The following SUPT3H variants were observed in gnomAD, a reference collection of about 807,000 sequenced individuals.
SUPT3H encodes the protein transcription initiation protein SPT3 homolog.
A neutral mutation model predicts 44.3 loss-of-function variants in SUPT3H; 44 were observed. The observed-to-expected ratio is 0.99, with a 90% CI of 0.78 to 1.28. The LOEUF (loss-of-function observed/expected upper bound fraction) is 1.28, where lower values mean the gene tolerates loss of function less well. SUPT3H is among the 50% of genes most tolerant of loss of function. SUPT3H has a pLI of 0.00. For synonymous variants in SUPT3H, 124 were observed against 125.6 expected, an observed-to-expected ratio of 0.99 and a Z score of 0.09; for missense variants, 380 against 387.1, an observed-to-expected ratio of 0.98 and a Z score of 0.15.
chr6:45,296,214 A>ACAC (rs768394891), intron 2 of SUPT3H, among the ~76,000 whole-genome samples: 4 of 151,214 alleles, frequency 2.6e-5, no homozygotes, highest in African/African-American at 9.7e-5. Flanking sequence ...ACACACACAC[A>ACAC]ATGCAACACT....
intron 10 of SUPT3H, among the ~76,000 whole-genome samples, chr6:44,837,019 C>T (rs535078148): frequency 6.6e-6 from 1 of 152,056 alleles, no homozygotes; most frequent in African/African-American, 2.4e-5. Flanking sequence ...CATACTGTTA[C>T]CAAAAATTAG....
In SUPT3H at chr6:44,866,910, G is replaced by A. The variant is rs150396026; in HGVS notation, c.913-37053C>T. On this transcript the variant is annotated intron_variant, in intron 10 of 10. Coordinates refer to ENST00000371459, the MANE Select transcript of SUPT3H (RefSeq NM_003599.4). ...TTAAGTCAGAAGAATAGCACATTTA[G>A]TAAAGACATATTCCATAGTAATAAA... Among the ~76,000 whole-genome samples, 40 of 152,276 alleles carry A rather than the reference G, an allele frequency of 2.6e-4. 2 individuals carry two copies. Among genetic ancestry groups the A allele is most frequent in the African/African-American group, 7.9e-4 (33 of 41,560 alleles).
chr6:45,189,756 C>T (rs1472255152), intron 2 of SUPT3H, among the ~76,000 whole-genome samples: 1 of 152,176 alleles, frequency 6.6e-6, no homozygotes, highest in East Asian at 1.9e-4. Context: ...CTTTGAGACC[C>T]CTTTTTTACA....
chr6:45,328,630 A>C (rs1377444951), intron 2 of SUPT3H: 2 of 1,609,962 alleles, frequency 1.2e-6, no homozygotes, highest in Admixed American at 1.7e-5. Flanking sequence ...GTAAAACTAA[A>C]ACAAGGTTTG....
intron 2 of SUPT3H, among the ~76,000 whole-genome samples, chr6:45,357,336 T>C (rs971327176): frequency 2.6e-5 from 4 of 152,158 alleles, no homozygotes; most frequent in Admixed American, 6.5e-5. Context: ...GTACCTTTTT[T>C]ATTTTTTATT....
intron 2 of SUPT3H, among the ~76,000 whole-genome samples, chr6:45,358,868 T>C (rs28605113): frequency 2.0e-5 from 3 of 152,176 alleles, no homozygotes; most frequent in Non-Finnish European, 4.4e-5. Flanking sequence ...AATTACAGCA[T>C]GGATCTACCA....
intron 2 of SUPT3H, among the ~76,000 whole-genome samples, chr6:45,283,947 C>T (rs1454717852): frequency 1.3e-5 from 2 of 152,136 alleles, no homozygotes; most frequent in Non-Finnish European, 2.9e-5. Context: ...CAGAACTGCT[C>T]AATTACATGT....
rs149316185 is a variant in SUPT3H at position 45,306,670 on chromosome 6, C to T, written c.101+58531G>A. 5.1e-3 allele frequency among the ~76,000 whole-genome samples: 771 copies of T among 152,240 alleles called. 11 individuals carry two copies. Among genetic ancestry groups the T allele is most frequent in the African/African-American group, 0.018 (733 of 41,552 alleles). On this transcript the variant is annotated intron_variant, in intron 2 of 10. Transcript: ENST00000371459. ...TACAATCGGGCGGTTCCAAGATGGC[C>T]GAATAGGAACAGCTCCAGTCTACAG...
chr6:45,337,107 T>C (rs766159044), intron 2 of SUPT3H, among the ~76,000 whole-genome samples: 1 of 151,726 alleles, frequency 6.6e-6, no homozygotes, highest in Non-Finnish European at 1.5e-5. Flanking sequence ...GATATACATA[T>C]GCTTTCTAAA....
At chr6:44,945,175 T>C (rs1018801581) in intron 9 of SUPT3H, among the ~76,000 whole-genome samples, 1 of 152,142 alleles carries the variant, frequency 6.6e-6, no homozygotes, top group African/African-American at 2.4e-5. Context: ...TGTATTCATA[T>C]GAGATAGCAA....
At chr6:45,317,636 A>G (rs1470334503) in intron 2 of SUPT3H, among the ~76,000 whole-genome samples, 1 of 152,186 alleles carries the variant, frequency 6.6e-6, no homozygotes, top group East Asian at 1.9e-4. Flanking sequence ...CTGGTTAGCT[A>G]CATGCAGAAG....
At chr6:45,050,946 A>G (rs1416436443) in intron 3 of SUPT3H, among the ~76,000 whole-genome samples, 1 of 133,788 alleles carries the variant, frequency 7.5e-6, no homozygotes, top group East Asian at 2.3e-4. Context: ...GTGCAGTGGC[A>G]TGATCTCGAC....
chr6:45,205,904 C>A (rs13220256), intron 2 of SUPT3H, among the ~76,000 whole-genome samples: 2,086 of 152,216 alleles, frequency 0.014, 34 homozygotes, highest in Middle Eastern at 0.037. Flanking sequence ...CAGCTCACTG[C>A]CTTTTTCTTA....
At chr6:45,070,739 C>CAAAAAAAAAAAAAA (rs11393241) in intron 3 of SUPT3H, among the ~76,000 whole-genome samples, 2 of 102,840 alleles carry the variant, frequency 1.9e-5, no homozygotes, top group African/African-American at 3.8e-5. Flanking sequence ...CTGTCTCAAA[C>CAAAAAAAAAAAAAA]AAAAAAAAAA....
In SUPT3H at chr6:45,020,602, G is replaced by A. The variant is rs377244892; in HGVS notation, c.217C>T (p.Arg73Trp). 12 of 1,610,974 alleles carry A rather than the reference G, an allele frequency of 7.4e-6. No homozygotes were observed. The highest frequency in any genetic ancestry group is 1.7e-4 in the Middle Eastern group (1 of 6,052). Residue 73 changes from arginine to tryptophan, a missense_variant, in exon 4 of 11, where the codon CGG (arginine) becomes TGG (tryptophan). Physicochemically the swap from Arg to Trp is moderately radical, Grantham distance 101. Transcript: ENST00000371459. ...TCAGGAGTGATTACCCTTGCTCCCCGCAGCTGAGAAACTTCAGCAGCTTGC... is the reference window on the plus strand; with the variant it reads ...TCAGGAGTGATTACCCTTGCTCCCCACAGCTGAGAAACTTCAGCAGCTTGC... ...LQQAAEVSQL[R>W]GARVITPEDL...
chr6:44,934,804 T>C (rs147837997), intron 9 of SUPT3H, among the ~76,000 whole-genome samples: 1 of 152,294 alleles, frequency 6.6e-6, no homozygotes, highest in African/African-American at 2.4e-5. Context: ...AAGAAATACA[T>C]TCCTATTGTT....
chr6:45,266,642 CTAAGTAAACAACTT>C (rs1446972992), intron 2 of SUPT3H, among the ~76,000 whole-genome samples: 5 of 151,938 alleles, frequency 3.3e-5, no homozygotes, highest in African/African-American at 1.2e-4. Flanking sequence ...TCACATTCAA[CTAAGTAAACAACTT>C]TTTAAAATCT....
chr6:45,120,894 T>C (rs1034375716), intron 2 of SUPT3H, among the ~76,000 whole-genome samples: 2 of 152,112 alleles, frequency 1.3e-5, no homozygotes, highest in African/African-American at 4.8e-5. Context: ...AATGCAAAAA[T>C]TTCCCAAGGC....
rs74579060 is a variant in SUPT3H at position 45,327,267 on chromosome 6, A to C, written c.101+37934T>G. ...TTTTGTAATTTATTTCAAAGCTTCC[A>C]TTAGAAACAAAAAAATACATAGCTT... is the stretch of plus-strand genomic sequence containing the variant. On this transcript the variant is annotated intron_variant, in intron 2 of 10. Transcript: ENST00000371459. Among the ~76,000 whole-genome samples, 1,506 of 152,066 alleles carry C rather than the reference A, an allele frequency of 9.9e-3. 12 individuals are homozygous for C. Among genetic ancestry groups the C allele is most frequent in the Non-Finnish European group, 0.015 (1,048 of 67,912 alleles).
Sources: allele counts gnomAD v4.1 joint callset (sites outside exome capture counted in the v4.1 genomes callset), GRCh38; gene constraint gnomAD v4.1.1; transcripts MANE v1.5; gene names NCBI Gene and HGNC (gene_info 2026-07-23, HGNC 2026-07-21).